Variants in UVRAG observed in about 807,000 individuals in gnomAD.
UVRAG encodes UV radiation resistance-associated gene protein.
UVRAG carries 19 observed loss-of-function variants against 78.0 expected under a neutral mutation model. The observed-to-expected ratio is 0.24, with a 90% CI of 0.17 to 0.36. UVRAG has a LOEUF of 0.36. UVRAG is among the 10% of genes least tolerant of loss of function. UVRAG has a pLI of 1.00. For synonymous variants in UVRAG, 323 were observed against 324.6 expected, an observed-to-expected ratio of 1.00 and a Z score of 0.05; for missense variants, 740 against 853.8, an observed-to-expected ratio of 0.87 and a Z score of 1.66.
chr11:75,854,765 TATGTGTCCAGAAAGAAA>T (rs1402334660), intron 2 of UVRAG, among the ~76,000 whole-genome samples: 2 of 152,222 alleles, frequency 1.3e-5, no homozygotes, highest in Non-Finnish European at 2.9e-5. Context: ...GCAGTCTTAC[TATGTGTCCAGAAAGAAA>T]ATGAAACAAT....
intron 12 of UVRAG, among the ~76,000 whole-genome samples, chr11:76,048,311 A>G (rs1308837588): frequency 6.6e-6 from 1 of 152,236 alleles, no homozygotes; most frequent in African/African-American, 2.4e-5. Flanking sequence ...TTGCTGGGCC[A>G]TTCAAATATT....
intron 13 of UVRAG, among the ~76,000 whole-genome samples, chr11:76,088,005 A>T (rs1033112928): frequency 2.6e-5 from 4 of 152,190 alleles, no homozygotes; most frequent in African/African-American, 9.7e-5. Flanking sequence ...CCCTGGGGTC[A>T]GGTGGCTACT....
intron 12 of UVRAG, among the ~76,000 whole-genome samples, chr11:76,029,179 T>C (rs1260881884): frequency 6.6e-6 from 1 of 152,180 alleles, no homozygotes; most frequent in Non-Finnish European, 1.5e-5. Context: ...GTTTATTGAA[T>C]ATTTTAAGGC....
chr11:75,893,570 C>T (rs1214226751), intron 5 of UVRAG, among the ~76,000 whole-genome samples: 21 of 145,218 alleles, frequency 1.4e-4, no homozygotes. Flanking sequence ...AATAGGTCTT[C>T]AATGCGCTGT....
chr11:76,008,876 TTTTTTATTTTGAAGATTTG>T lies in UVRAG; in HGVS notation c.1060+12_1060+30del. 1 of 1,416,692 alleles carries T rather than the reference TTTTTTATTTTGAAGATTTG, an allele frequency of 7.1e-7. No individual in the cohort carries two copies. The highest frequency in any genetic ancestry group is 9.6e-7 in the Non-Finnish European group (1 of 1,043,772). 87.8% of individuals were successfully genotyped at this position (1,416,692 alleles called of 1,614,324 possible). On this transcript the variant is annotated intron_variant, in intron 11 of 14. Transcript: ENST00000356136. ...TTCTGAGGACTTCCAAGGTATTTTA[TTTTTTATTTTGAAGATTTG>T]TTATATATTAATATATGGAAATAGA...
rs1949969551 is a variant in UVRAG, at chr11:76,007,531, T to C, written c.912-3T>C. The stretch of plus-strand genomic sequence containing the variant: ...ATAAATGTATTTTTTCTTTCCTCAT[T>C]AGAGAACTCTTCTTGAAGACTAATG... On this transcript the variant is annotated splice_region_variant and splice_polypyrimidine_tract_variant and intron_variant, in intron 9 of 14. Transcript: ENST00000356136. 2.5e-6 allele frequency: 4 copies of C among 1,609,750 alleles called. No individual in the cohort carries two copies. Among genetic ancestry groups the C allele is most frequent in the Non-Finnish European group, 2.5e-6 (3 of 1,177,476 alleles).
chr11:75,856,842 T>C (rs1381303348), intron 2 of UVRAG, among the ~76,000 whole-genome samples: 1 of 152,202 alleles, frequency 6.6e-6, no homozygotes, highest in East Asian at 1.9e-4. Flanking sequence ...TGGGGTCTAG[T>C]AGGTAACTTA....
Position 76,040,217 on chromosome 11 carries a change from G to A in UVRAG, c.1226+23237G>A, listed in dbSNP as rs551425118. 5.3e-4 allele frequency among the ~76,000 whole-genome samples: 81 copies of A among 152,160 alleles called. 1 individual carries two copies. Among genetic ancestry groups the A allele is most frequent in the African/African-American group, 2.2e-4 (9 of 41,536 alleles). ...TGCAAATAACAGCACTAGATCTGCA[G>A]CAAAGAAGTAGAAGAAGCGGCCGGG... On this transcript the variant is annotated intron_variant, in intron 12 of 14. Coordinates refer to ENST00000356136, the MANE Select transcript of UVRAG (RefSeq NM_003369.4).
At chr11:76,027,536 T>C (rs1950350683) in intron 12 of UVRAG, among the ~76,000 whole-genome samples, 3 of 152,122 alleles carry the variant, frequency 2.0e-5, no homozygotes, top group South Asian at 4.1e-4. Context: ...TTCTCTCTTA[T>C]TGCTGAGTGA....
intron 2 of UVRAG, among the ~76,000 whole-genome samples, chr11:75,853,211 C>G (rs1354032993): frequency 6.6e-6 from 1 of 152,032 alleles, no homozygotes; most frequent in Admixed American, 6.6e-5. Context: ...CTGTCCCTAA[C>G]CTCTTTTTAG....
chr11:76,056,398 A>G (rs1950985376), intron 12 of UVRAG, among the ~76,000 whole-genome samples: 1 of 152,200 alleles, frequency 6.6e-6, no homozygotes. Flanking sequence ...GGATAAGTGT[A>G]TGTTTAGTTT....
At chr11:75,830,415 G>A (rs939625863) in intron 1 of UVRAG, among the ~76,000 whole-genome samples, 3 of 151,938 alleles carry the variant, frequency 2.0e-5, no homozygotes, top group East Asian at 1.9e-4. Context: ...GACTACAGGC[G>A]CATGCCACCA....
chr11:75,824,918 C>G (rs1372435886), intron 1 of UVRAG, among the ~76,000 whole-genome samples: 3 of 152,118 alleles, frequency 2.0e-5, no homozygotes, highest in Non-Finnish European at 4.4e-5. Context: ...CATGATACGC[C>G]TGCCTCGGCC....
intron 6 of UVRAG, among the ~76,000 whole-genome samples, chr11:75,948,634 A>G (rs1948626045): frequency 6.6e-6 from 1 of 152,208 alleles, no homozygotes; most frequent in Non-Finnish European, 1.5e-5. Flanking sequence ...AGAAAAATGT[A>G]GATCACGCCT....
intron 5 of UVRAG, among the ~76,000 whole-genome samples, chr11:75,908,694 A>G (rs1013707598): frequency 3.4e-5 from 5 of 147,596 alleles, no homozygotes; most frequent in African/African-American, 1.0e-4. Context: ...TTCACCAGTC[A>G]AATAATCTGG....
chr11:76,093,668 T>C (rs994979055), intron 13 of UVRAG, among the ~76,000 whole-genome samples: 1 of 152,194 alleles, frequency 6.6e-6, no homozygotes, highest in Admixed American at 6.5e-5. Context: ...TTGTCTGTTA[T>C]TGGTGTATAA....
chr11:76,033,987 T>G (rs1950482726), intron 12 of UVRAG, among the ~76,000 whole-genome samples: 1 of 152,226 alleles, frequency 6.6e-6, no homozygotes, highest in Non-Finnish European at 1.5e-5. Context: ...CCTGGTTATA[T>G]ACTAGTCTGT....
intron 6 of UVRAG, among the ~76,000 whole-genome samples, chr11:75,946,164 G>C (rs1272299729): frequency 6.6e-6 from 1 of 152,092 alleles, no homozygotes; most frequent in Non-Finnish European, 1.5e-5. Flanking sequence ...TATATTTTTA[G>C]AGAGCACAGA....
chr11:75,876,832 T>G (rs960382440), intron 3 of UVRAG, among the ~76,000 whole-genome samples: 1 of 145,752 alleles, frequency 6.9e-6, no homozygotes, highest in African/African-American at 2.6e-5. Flanking sequence ...AGCCCTTATG[T>G]TTTTTTTTTA....
Sources: allele counts gnomAD v4.1 joint callset (sites outside exome capture counted in the v4.1 genomes callset), GRCh38; gene constraint gnomAD v4.1.1; transcripts MANE v1.5; gene names NCBI Gene and HGNC (gene_info 2026-07-23, HGNC 2026-07-21).